Variants in CLEC16A observed in about 807,000 individuals in gnomAD.
The protein encoded by CLEC16A is protein CLEC16A.
In CLEC16A, 51 loss-of-function variants were observed where a neutral mutation model predicts 109.5. That is an observed-to-expected ratio of 0.47 (90% CI 0.37 to 0.59). The LOEUF (loss-of-function observed/expected upper bound fraction) is 0.59. CLEC16A is among the 20% of genes least tolerant of loss of function. The probability of loss-of-function intolerance (pLI) is 0.00; values close to 1 mark genes in which losing one functional copy is unlikely to be tolerated. For missense variants in CLEC16A, 1,339 were observed against 1,394.0 expected (o/e 0.96, Z 0.63); for synonymous variants, 673 against 564.2 (o/e 1.19, Z -2.73).
At chr16:11,120,833 C>T in intron 20 of CLEC16A, 67 bp downstream of exon 20, 1 of 1,200,854 alleles carries the variant, frequency 8.3e-7, no homozygotes, top group Admixed American at 3.3e-5. Context: ...CACACACACA[C>T]ACACACCACA....
chr16:11,170,006 A>G (rs2068437698), intron 23 of CLEC16A, among the ~76,000 whole-genome samples: 1 of 152,200 alleles, frequency 6.6e-6, no homozygotes, highest in Admixed American at 6.5e-5. Context: ...AACTTGGCCC[A>G]GAGGATGCAG....
At chr16:11,083,229 C>T (rs149470114) in intron 19 of CLEC16A, among the ~76,000 whole-genome samples, 1 of 152,288 alleles carries the variant, frequency 6.6e-6, no homozygotes, top group Non-Finnish European at 1.5e-5. Flanking sequence ...GTGGCACAAA[C>T]GTGGCTCACT....
chr16:11,082,493 AT>A (rs1328373229), intron 19 of CLEC16A, among the ~76,000 whole-genome samples: 6 of 152,182 alleles, frequency 3.9e-5, no homozygotes, highest in African/African-American at 1.4e-4. Context: ...TTGGGTTAAA[AT>A]TTGGGGCTAC....
At chr16:11,093,209 T>TGA (rs1465081608) in intron 19 of CLEC16A, among the ~76,000 whole-genome samples, 8 of 151,694 alleles carry the variant, frequency 5.3e-5, no homozygotes. Flanking sequence ...CACAGCAGAG[T>TGA]GAGAGAGAGA....
chr16:11,095,862 G>A (rs868528406), intron 19 of CLEC16A, among the ~76,000 whole-genome samples: 37 of 149,984 alleles, frequency 2.5e-4, no homozygotes, highest in African/African-American at 6.4e-4. Flanking sequence ...TAGCTGTAGC[G>A]TAAGATTGGC....
chr16:11,061,127 A>C, intron 19 of CLEC16A, 105 bp downstream of exon 19: 1 of 1,293,590 alleles, frequency 7.7e-7, no homozygotes, highest in Admixed American at 2.6e-5. Context: ...TGCAACCTAC[A>C]TTTTGTACTA....
intron 20 of CLEC16A, among the ~76,000 whole-genome samples, chr16:11,122,397 T>C (rs1316412405): frequency 6.6e-6 from 1 of 152,240 alleles, no homozygotes; most frequent in South Asian, 2.1e-4. Flanking sequence ...TAATTTCCTT[T>C]AGAATTTAGT....
rs72650693 is a variant in CLEC16A, at chr16:11,178,606, G to T, written c.3078G>T (p.Pro1026=). The change falls in exon 24 of 24, where the codon CCG becomes CCT. Residue 1026 remains proline, a synonymous_variant. Coordinates refer to ENST00000409790, the MANE Select transcript of CLEC16A (RefSeq NM_015226.3). This position sits in a 1 kb window ranked among gnomAD's most constrained non-coding sequence, Gnocchi z 6.5. ...HSLRSLTGMP[P]LSTPAAACTE... The stretch of plus-strand genomic sequence containing the variant: ...TCCGCAGCCTCACCGGCATGCCCCC[G>T]CTGTCCACGCCGGCTGCCGCCTGCA... The T allele has an allele frequency of 1.2e-6, 2 of 1,605,144 alleles. No homozygotes were observed. Among genetic ancestry groups the T allele is most frequent in the African/African-American group, 2.7e-5 (2 of 74,868 alleles).
chr16:11,137,587 TAA>T (rs5815617), intron 22 of CLEC16A, among the ~76,000 whole-genome samples: 43 of 59,332 alleles, frequency 7.2e-4, no homozygotes, highest in African/African-American at 2.0e-3. Flanking sequence ...AGACTCCATC[TAA>T]AAAAAAAAAA....
At chr16:10,955,203 G>A (rs969579165) in intron 1 of CLEC16A, among the ~76,000 whole-genome samples, 3 of 152,232 alleles carry the variant, frequency 2.0e-5, no homozygotes, top group East Asian at 1.9e-4. Context: ...GTCACTTGCC[G>A]TGTCTGGCGT....
chr16:11,026,974 T>A (rs1264908431), intron 13 of CLEC16A: 3 of 1,528,980 alleles, frequency 2.0e-6, no homozygotes, highest in East Asian at 4.5e-5. Context: ...GCGTGCTGTC[T>A]TTCCCATGTG....
At chr16:11,020,357 C>G (rs950018419) in intron 12 of CLEC16A, 32 bp downstream of exon 12, 2 of 1,578,414 alleles carry the variant, frequency 1.3e-6, no homozygotes, top group East Asian at 2.3e-5. Context: ...GCTGAGTGCT[C>G]TCTCAGGGAA....
chr16:11,014,890 T>G (rs968714573), intron 11 of CLEC16A, among the ~76,000 whole-genome samples: 1 of 151,936 alleles, frequency 6.6e-6, no homozygotes, highest in Non-Finnish European at 1.5e-5. Context: ...TATGAGGAGG[T>G]TCCCTGTGAC....
Position 11,024,915 on chromosome 16 carries a change from A to G in CLEC16A, c.1531A>G (p.Asn511Asp). The change falls in exon 13 of 24, where the codon AAT (asparagine) becomes GAT (aspartate). Residue 511 changes from asparagine to aspartate, a missense_variant. Asn to Asp is a conservative substitution (Grantham distance 23). This residue lies in a region of CLEC16A where 1,061 missense variants were observed against 1,006.8 expected (regional missense o/e 1.05). Transcript: ENST00000409790. ...CTGCCTCCTCTATGCCATGTCTCATAATAAAGGTAAGCACCCTTGCCTTGC... is the reference window on the plus strand; with the variant it reads ...CTGCCTCCTCTATGCCATGTCTCATGATAAAGGTAAGCACCCTTGCCTTGC... ...VLCLLYAMSH[N>D]KGMDPEKLER... The G allele has an allele frequency of 6.2e-7, 1 of 1,605,124 alleles. No individual in the cohort carries two copies. The highest frequency in any genetic ancestry group is 1.1e-5 in the South Asian group (1 of 89,032).
At chr16:11,041,200 A>G (rs900821971) in intron 14 of CLEC16A, 5 of 152,242 alleles carry the variant, frequency 3.3e-5, no homozygotes, top group South Asian at 2.1e-4. Flanking sequence ...CTAAGCCTCA[A>G]TCTTTCCAGC....
intron 19 of CLEC16A, among the ~76,000 whole-genome samples, chr16:11,062,206 A>G (rs942261497): frequency 2.0e-5 from 3 of 152,158 alleles, no homozygotes; most frequent in Admixed American, 2.0e-4. Context: ...GCGACCCTCA[A>G]AGGAAAGCCA....
intron 13 of CLEC16A, among the ~76,000 whole-genome samples, chr16:11,032,547 T>C (rs929042145): frequency 2.0e-5 from 3 of 152,208 alleles, no homozygotes; most frequent in Admixed American, 6.5e-5. Context: ...ACAAGAAGAT[T>C]AATTGTGACT....
At chr16:11,085,891 C>T (rs995257099) in intron 19 of CLEC16A, among the ~76,000 whole-genome samples, 17 of 152,160 alleles carry the variant, frequency 1.1e-4, no homozygotes, top group African/African-American at 3.9e-4. Flanking sequence ...TGTGCCTGGC[C>T]GGGAATCCCA....
intron 18 of CLEC16A, among the ~76,000 whole-genome samples, chr16:11,053,986 G>C (rs1377308542): frequency 6.6e-6 from 1 of 152,242 alleles, no homozygotes. Context: ...AATCCCACCT[G>C]GAGCAGGAAG....
Sources: gnomAD v4.1 joint callset for allele counts (sites outside exome capture counted in the v4.1 genomes callset) on GRCh38, gnomAD v4.1.1 for gene constraint, gnomAD v4.1.1 regional missense constraint, Gnocchi (gnomAD v3.1) non-coding constraint, MANE v1.5 for transcripts, NCBI Gene and HGNC (gene_info 2026-07-23, HGNC 2026-07-21) for gene names.